The following DMD variants were observed in gnomAD, a reference collection of about 807,000 sequenced individuals.
The protein encoded by DMD is dystrophin, also known as mutant dystrophin.
A neutral mutation model predicts 330.1 loss-of-function variants in DMD; 63 were observed. The observed-to-expected ratio is 0.19, with a 90% CI of 0.16 to 0.24. The LOEUF (loss-of-function observed/expected upper bound fraction) is 0.24, where lower values mean the gene tolerates loss of function less well. DMD is among the 10% of genes least tolerant of loss of function. DMD has a pLI of 1.00. For missense variants in DMD, 3,344 were observed against 2,684.1 expected (o/e 1.25, Z -5.43); for synonymous variants, 1,223 against 959.8 (o/e 1.27, Z -5.07).
intron 56 of DMD, among the ~76,000 whole-genome samples, chrX:31,499,454 G>C (rs2070202144): frequency 9.2e-6 from 1 of 109,120 alleles, no homozygotes; most frequent in South Asian, 4.0e-4. Flanking sequence ...TCCCCTAAGA[G>C]AGAGCAAAAT....
chrX:32,619,168 A>G (rs1437044318), intron 11 of DMD, among the ~76,000 whole-genome samples: 1 of 111,658 alleles, frequency 9.0e-6, no homozygotes, highest in Non-Finnish European at 1.9e-5. Flanking sequence ...AACAACATGG[A>G]TGAACCTGGA....
intron 1 of DMD, among the ~76,000 whole-genome samples, chrX:33,103,053 T>C (rs1255376264): frequency 2.7e-5 from 3 of 111,493 alleles, no homozygotes; most frequent in African/African-American, 9.8e-5. Flanking sequence ...CAGAGTTCTA[T>C]TGGAATGGAC....
chrX:32,516,455 T>A (rs1034263611), intron 18 of DMD: 1 of 111,534 alleles, frequency 9.0e-6, no homozygotes, highest in East Asian at 2.8e-4. Context: ...GCTCCCGCTA[T>A]TGATAAAATG....
chrX:32,436,337 T>C (rs1431462768), intron 29 of DMD, among the ~76,000 whole-genome samples: 1 of 112,055 alleles, frequency 8.9e-6, no homozygotes, highest in African/African-American at 3.2e-5. Flanking sequence ...GAGTGGTTTC[T>C]GTGCCCTGTC....
intron 7 of DMD, among the ~76,000 whole-genome samples, chrX:32,806,445 T>TAA (rs2148725974): frequency 9.0e-6 from 1 of 111,535 alleles, no homozygotes; most frequent in African/African-American, 3.3e-5. Flanking sequence ...CCCAGATTCA[T>TAA]AAAGCAAGTT....
intron 1 of DMD, among the ~76,000 whole-genome samples, chrX:33,320,150 C>A (rs1276531939): frequency 9.0e-6 from 1 of 111,603 alleles, no homozygotes; most frequent in Non-Finnish European, 1.9e-5. Context: ...TGAAAATTTT[C>A]TCTGAATTAA....
At chrX:33,120,490 G>A (rs2095416062) in intron 1 of DMD, among the ~76,000 whole-genome samples, 1 of 111,335 alleles carries the variant, frequency 9.0e-6, no homozygotes, top group Non-Finnish European at 1.9e-5. Flanking sequence ...ATACTGCATG[G>A]AACTCGGGTG....
chrX:31,561,730 G>A (rs1051143809), intron 55 of DMD, among the ~76,000 whole-genome samples: 1 of 112,211 alleles, frequency 8.9e-6, no homozygotes, highest in Non-Finnish European at 1.9e-5. Flanking sequence ...TGTCTGCTCA[G>A]CCCATGTTTC....
intron 19 of DMD, among the ~76,000 whole-genome samples, chrX:32,495,368 A>C (rs1254352060): frequency 8.9e-6 from 1 of 111,810 alleles, no homozygotes. Flanking sequence ...ATATGAATAT[A>C]AAAATTATGA....
At chrX:31,666,851 A>C (rs1041775856) in intron 53 of DMD, among the ~76,000 whole-genome samples, 1 of 111,870 alleles carries the variant, frequency 8.9e-6, no homozygotes, top group African/African-American at 3.2e-5. Flanking sequence ...CTATTTTTTC[A>C]TTTCTATAGC....
chrX:32,599,306 T>G (rs1408963920), intron 12 of DMD, among the ~76,000 whole-genome samples: 2 of 111,574 alleles, frequency 1.8e-5, no homozygotes, highest in African/African-American at 6.5e-5. Flanking sequence ...ACGCCAGACA[T>G]AAAAAGCTGG....
At chrX:32,807,122 T>TAAAAAAA (rs999286386) in intron 7 of DMD, among the ~76,000 whole-genome samples, 24 of 20,727 alleles carry the variant, frequency 1.2e-3, no homozygotes, top group African/African-American at 1.5e-3. Context: ...CGGAAACATT[T>TAAAAAAA]AAAAAAAAAA....
intron 7 of DMD, 110 bp downstream of exon 7, chrX:32,809,383 G>T: frequency 1.5e-6 from 1 of 645,333 alleles, no homozygotes; most frequent in Non-Finnish European, 2.6e-6. Context: ...CTACAGTATT[G>T]GAAAACTTAA....
intron 2 of DMD, among the ~76,000 whole-genome samples, chrX:33,003,656 T>C (rs1174557432): frequency 4.5e-5 from 5 of 111,320 alleles, no homozygotes; most frequent in Non-Finnish European, 7.5e-5. Flanking sequence ...ACTTAGATGA[T>C]AGGTTTGTTC....
intron 12 of DMD, among the ~76,000 whole-genome samples, chrX:32,604,031 G>A (rs917685452): frequency 2.7e-5 from 3 of 110,740 alleles, no homozygotes; most frequent in Admixed American, 9.7e-5. Flanking sequence ...CCAAAGGCAG[G>A]TAAGGACACA....
intron 50 of DMD, among the ~76,000 whole-genome samples, chrX:31,802,133 G>T (rs190921644): frequency 9.1e-6 from 1 of 110,207 alleles, no homozygotes; most frequent in African/African-American, 3.3e-5. Flanking sequence ...GAAATGGAAA[G>T]GGTCACACTA....
At position 32,925,150 on chromosome X, in the gene DMD, T is replaced by TTTTTG. The variant is rs1220231346; in HGVS notation, c.94-75331_94-75330insCAAAA. Among the ~76,000 whole-genome samples, 455 of 85,126 alleles carry TTTTTG rather than the reference T, an allele frequency of 5.3e-3. 2 individuals carry two copies. Among genetic ancestry groups the TTTTTG allele is most frequent in the Non-Finnish European group, 6.5e-3 (303 of 46,534 alleles). The allele number at this position is 85,126 out of a possible 115,157, so 73.9% of individuals were successfully genotyped here. A position where few individuals can be genotyped will look rare whatever the true frequency, so the allele number is the denominator to read the frequency against. ...AGGTTTTTCAAAAACTCTGGGTTTTTTTTTTTTTTTTTTTTTTTTTTTTTA... is the reference window on the plus strand; with the variant it reads ...AGGTTTTTCAAAAACTCTGGGTTTTTTTTTGTTTTTTTTTTTTTTTTTTTTTTTTA... On this transcript the variant is annotated intron_variant, in intron 2 of 78. Transcript: ENST00000357033.
chrX:32,925,158 T>G (rs915757607), intron 2 of DMD, among the ~76,000 whole-genome samples: 3 of 96,000 alleles, frequency 3.1e-5, no homozygotes, highest in Non-Finnish European at 6.1e-5. Flanking sequence ...TTTTTTTTTT[T>G]TTTTTTTTTT....
chrX:33,243,284 T>C (rs902755485), intron 1 of DMD, among the ~76,000 whole-genome samples: 1 of 112,207 alleles, frequency 8.9e-6, no homozygotes, highest in African/African-American at 3.2e-5. Flanking sequence ...TACTGATATG[T>C]TGATTTTGTA....
Sources: gnomAD v4.1 joint callset for allele counts (sites outside exome capture counted in the v4.1 genomes callset) on GRCh38, gnomAD v4.1.1 for gene constraint, MANE v1.5 for transcripts, NCBI Gene and HGNC (gene_info 2026-07-23, HGNC 2026-07-21) for gene names.